The following RAB1A variants were observed in gnomAD, a reference collection of about 807,000 sequenced individuals.
RAB1A encodes ras-related protein Rab-1A.
Under a neutral mutation model 26.0 loss-of-function variants are expected in RAB1A, and 2 were observed. The ratio of observed to expected loss-of-function variants is 0.08; its 90% CI spans 0.03 to 0.24. RAB1A has a LOEUF of 0.24. RAB1A is among the 10% of genes least tolerant of loss of function. RAB1A has a pLI of 1.00. For missense variants in RAB1A, 100 were observed against 247.0 expected (o/e 0.40, Z 3.99); for synonymous variants, 84 against 84.9 (o/e 0.99, Z 0.06).
chr2:65,099,545 C>A (rs973472625), intron 2 of RAB1A, among the ~76,000 whole-genome samples: 1 of 152,236 alleles, frequency 6.6e-6, no homozygotes, highest in African/African-American at 2.4e-5. Context: ...TGGAAAGGTT[C>A]TATAAGCTGT....
intron 1 of RAB1A, among the ~76,000 whole-genome samples, chr2:65,110,166 G>C (rs1669661997): frequency 6.6e-6 from 1 of 152,320 alleles, no homozygotes; most frequent in East Asian, 1.9e-4. Flanking sequence ...AGCCGGTCGG[G>C]CTTGGTGGCT....
At chr2:65,089,337 G>A (rs932464870) in intron 4 of RAB1A, among the ~76,000 whole-genome samples, 6 of 151,990 alleles carry the variant, frequency 3.9e-5, no homozygotes, top group Admixed American at 6.5e-5. Flanking sequence ...CTCCGCCTCC[G>A]GGATAGCTGG....
At chr2:65,122,163 A>T (rs1169581272) in intron 1 of RAB1A, among the ~76,000 whole-genome samples, 1 of 18,154 alleles carries the variant, frequency 5.5e-5, no homozygotes, top group African/African-American at 2.1e-4. Flanking sequence ...CTCAAAAAAA[A>T]AAAAAAAAAA....
intron 3 of RAB1A, among the ~76,000 whole-genome samples, chr2:65,097,746 A>G (rs1573068555): frequency 6.6e-6 from 1 of 152,352 alleles, no homozygotes; most frequent in South Asian, 2.1e-4. Context: ...GACTTAAAAC[A>G]TGAGTTTCTC....
At chr2:65,111,982 C>G (rs956908591) in intron 1 of RAB1A, among the ~76,000 whole-genome samples, 1 of 151,852 alleles carries the variant, frequency 6.6e-6, no homozygotes, top group African/African-American at 2.4e-5. Flanking sequence ...ACTCAGGAAG[C>G]TGAGGCAGGA....
At chr2:65,124,599 G>A (rs913893240) in intron 1 of RAB1A, among the ~76,000 whole-genome samples, 3 of 152,008 alleles carry the variant, frequency 2.0e-5, no homozygotes, top group South Asian at 2.1e-4. Flanking sequence ...ACGCAGGCAC[G>A]ACCACACCCA....
chr2:65,125,148 A>C (rs2103887251), intron 1 of RAB1A, among the ~76,000 whole-genome samples: 1 of 152,058 alleles, frequency 6.6e-6, no homozygotes, highest in African/African-American at 2.4e-5. Context: ...TGGAGCCATG[A>C]TATACTTAAG....
At chr2:65,095,869 G>T (rs1669270849) in intron 3 of RAB1A, among the ~76,000 whole-genome samples, 1 of 151,518 alleles carries the variant, frequency 6.6e-6, no homozygotes, top group South Asian at 2.1e-4. Context: ...AAAATTATCG[G>T]AAGGCTGGGC....
At chr2:65,114,420 T>A (rs1029457860) in intron 1 of RAB1A, among the ~76,000 whole-genome samples, 22 of 152,218 alleles carry the variant, frequency 1.4e-4, no homozygotes, top group African/African-American at 5.3e-4. Context: ...AAAAGGCCTA[T>A]TTATAAAGTT....
Position 65,129,943 on chromosome 2 carries a change from G to A in RAB1A, c.-28C>T, listed in dbSNP as rs764382978. 6.3e-5 allele frequency: 99 copies of A among 1,580,114 alleles called. No individual in the cohort carries two copies. The highest frequency in any genetic ancestry group is 8.2e-5 in the Non-Finnish European group (95 of 1,164,750). ...CACTGCAGCTGCCGCCGCCGCCACC[G>A]CCGCCCTTGCTGCCGCAGCCGCCGC... On this transcript the variant is annotated 5_prime_UTR_variant, in exon 1 of 6. Transcript: ENST00000409784.
intron 4 of RAB1A, among the ~76,000 whole-genome samples, chr2:65,089,316 C>T (rs1482689002): frequency 6.6e-6 from 1 of 152,080 alleles, no homozygotes; most frequent in Non-Finnish European, 1.5e-5. Flanking sequence ...AAGCTCAAGC[C>T]ATCCTCCCGC....
chr2:65,127,970 G>A (rs1381782171), intron 1 of RAB1A, among the ~76,000 whole-genome samples: 2 of 152,020 alleles, frequency 1.3e-5, no homozygotes, highest in Non-Finnish European at 2.9e-5. Flanking sequence ...TCCTGACCTC[G>A]GGATCCGCCC....
intron 1 of RAB1A, among the ~76,000 whole-genome samples, chr2:65,123,452 T>C (rs1017672198): frequency 6.6e-6 from 1 of 151,780 alleles, no homozygotes; most frequent in Non-Finnish European, 1.5e-5. Flanking sequence ...ACAGGGCACA[T>C]ACATAAATTA....
At chr2:65,094,224 C>T (rs1309590663) in intron 3 of RAB1A, among the ~76,000 whole-genome samples, 1 of 152,186 alleles carries the variant, frequency 6.6e-6, no homozygotes, top group Non-Finnish European at 1.5e-5. Flanking sequence ...CCTGCCTCAG[C>T]CTCCCAAAGT....
At chr2:65,092,935 A>G (rs1333979943) in intron 3 of RAB1A, among the ~76,000 whole-genome samples, 3 of 152,130 alleles carry the variant, frequency 2.0e-5, no homozygotes, top group Non-Finnish European at 4.4e-5. Context: ...TTCCCCCTTC[A>G]CTTCCTTCAC....
intron 3 of RAB1A, among the ~76,000 whole-genome samples, chr2:65,095,346 C>G (rs1248443343): frequency 5.3e-5 from 8 of 151,442 alleles, no homozygotes; most frequent in African/African-American, 9.7e-5. Context: ...AGCCACTGCG[C>G]CCAGCCTTAT....
At chr2:65,107,819 A>G (rs1669596434) in intron 1 of RAB1A, among the ~76,000 whole-genome samples, 2 of 152,084 alleles carry the variant, frequency 1.3e-5, no homozygotes, top group South Asian at 4.2e-4. Context: ...AAGATCAACA[A>G]CCCAGGCTAG....
chr2:65,115,712 TA>T (rs567352919), intron 1 of RAB1A, among the ~76,000 whole-genome samples: 48 of 151,258 alleles, frequency 3.2e-4, no homozygotes, highest in African/African-American at 1.1e-3. Context: ...GTCAAGCAAT[TA>T]AAAAAAAATG....
intron 1 of RAB1A, among the ~76,000 whole-genome samples, chr2:65,122,977 A>C (rs1009309805): frequency 4.3e-5 from 5 of 117,156 alleles, no homozygotes; most frequent in East Asian, 3.7e-4. Context: ...TCTCAGACAA[A>C]AAAAAAAAAA....
Sources: allele counts gnomAD v4.1 joint callset (sites outside exome capture counted in the v4.1 genomes callset), GRCh38; gene constraint gnomAD v4.1.1; transcripts MANE v1.5; gene names NCBI Gene and HGNC (gene_info 2026-07-23, HGNC 2026-07-21).